The following MIGA1 variants were observed in gnomAD, a reference collection of about 807,000 sequenced individuals.
The protein encoded by MIGA1 is family with sequence similarity 73, member A.
Under a neutral mutation model 82.0 loss-of-function variants are expected in MIGA1, and 58 were observed. That is an observed-to-expected ratio of 0.71 (90% CI 0.57 to 0.88). MIGA1 has a LOEUF of 0.88. MIGA1 is among the 40% of genes least tolerant of loss of function. The pLI, the probability that MIGA1 is intolerant of heterozygous loss-of-function variation, is 0.00. For synonymous variants in MIGA1, 249 were observed against 253.6 expected (o/e 0.98, Z 0.17); for missense variants, 751 against 749.1 (o/e 1.00, Z -0.03).
At chr1:77,840,871 A>G (rs1684604015) in intron 7 of MIGA1, among the ~76,000 whole-genome samples, 3 of 152,218 alleles carry the variant, frequency 2.0e-5, no homozygotes, top group Non-Finnish European at 4.4e-5. Flanking sequence ...GCCATGACAT[A>G]ATGAAAATTG....
chr1:77,848,667 G>A, intron 8 of MIGA1: 1 of 1,575,782 alleles, frequency 6.3e-7, no homozygotes, highest in Admixed American at 1.7e-5. Flanking sequence ...AAGAACAAGA[G>A]AGACCACCTG....
At position 77,875,044 on chromosome 1, in the gene MIGA1, C is replaced by T; in HGVS notation, c.1879C>T (p.Leu627=). The T allele has an allele frequency of 6.2e-7, 1 of 1,613,680 alleles. No homozygotes were observed. The highest frequency in any genetic ancestry group is 8.5e-7 in the Non-Finnish European group (1 of 1,179,670). Residue 627 remains leucine (L), a synonymous_variant, in exon 16 of 16, where the codon CTG becomes TTG. Coordinates refer to ENST00000370791, the MANE Select transcript of MIGA1 (RefSeq NM_198549.4). ...TGGTCATGTTATGTCCACTGGGCTA[C>T]TGGAAGCCAAAGTACAATAAGTACC...
At chr1:77,811,064 A>C (rs1397499088) in intron 5 of MIGA1, 2 of 1,613,474 alleles carry the variant, frequency 1.2e-6, no homozygotes, top group African/African-American at 1.3e-5. Context: ...AATTCAAAGA[A>C]GATAGCTGCA....
In MIGA1 at chr1:77,780,804, T is replaced by TAATGATTAGG. The variant is rs567847090; in HGVS notation, c.81+1069_81+1078dup. 1.4e-3 allele frequency among the ~76,000 whole-genome samples: 211 copies of TAATGATTAGG among 152,134 alleles called. 1 individual carries two copies. Among genetic ancestry groups the TAATGATTAGG allele is most frequent in the African/African-American group, 4.8e-3 (201 of 41,532 alleles). On this transcript the variant is annotated intron_variant, in intron 1 of 15. Coordinates refer to ENST00000370791, the MANE Select transcript of MIGA1 (RefSeq NM_198549.4). ...TTTTTTTCTTTAGTTTTTCAATGAA[T>TAATGATTAGG]AATGATTAGGTTTGGAATCAACTTC...
At chr1:77,859,448 T>C in intron 10 of MIGA1, 62 bp downstream of exon 10, 1 of 1,116,056 alleles carries the variant, frequency 9.0e-7, no homozygotes, top group Non-Finnish European at 1.4e-6. Flanking sequence ...TGCTGTAGAG[T>C]CCAGTGCAAA....
chr1:77,793,790 T>C (rs2101721105), intron 2 of MIGA1, among the ~76,000 whole-genome samples: 1 of 142,606 alleles, frequency 7.0e-6, no homozygotes, highest in African/African-American at 2.6e-5. Context: ...TATCTTTTTT[T>C]TTTTTTTTTT....
rs369758433 is a variant in MIGA1 at position 77,785,856 on chromosome 1, A to G, written c.195+2505A>G. ...TATGGTGCAAGCTGTTGGTGGATCT[A>G]TCATTCTGGGGTCTGGAGGACGGTG... On this transcript the variant is annotated intron_variant, in intron 2 of 15. Transcript: ENST00000370791. Among the ~76,000 whole-genome samples, 8 of 152,082 alleles carry G rather than the reference A, an allele frequency of 5.3e-5. No homozygotes were observed. The South Asian group carries it at 8.3e-4, about 16-fold the overall frequency.
intron 5 of MIGA1, chr1:77,811,135 G>A: frequency 6.4e-7 from 1 of 1,555,894 alleles, no homozygotes; most frequent in East Asian, 2.2e-5. Flanking sequence ...ATGAACATAT[G>A]TATCTTCTTT....
At chr1:77,817,384 G>A (rs1683610302) in intron 7 of MIGA1, among the ~76,000 whole-genome samples, 1 of 152,044 alleles carries the variant, frequency 6.6e-6, no homozygotes, top group African/African-American at 2.4e-5. Flanking sequence ...AAATGGATAG[G>A]GTGGGACCCA....
At chr1:77,785,634 C>G (rs972561484) in intron 2 of MIGA1, among the ~76,000 whole-genome samples, 17 of 152,146 alleles carry the variant, frequency 1.1e-4, no homozygotes, top group African/African-American at 3.9e-4. Context: ...TGAGCCACTG[C>G]ACCCGGCCAG....
rs200085217 is a variant in MIGA1 at position 77,799,855 on chromosome 1, C to CAA, written c.196-1466_196-1465dup. ...CTAGAGGTTTTATTAGTTTTCCTTC[C>CAA]AAAAAAAAAAACCAGCTGTTGGTCT... is the stretch of plus-strand genomic sequence containing the variant. On this transcript the variant is annotated intron_variant, in intron 2 of 15. Transcript: ENST00000370791. Among the ~76,000 whole-genome samples, 56 of 139,362 alleles carry CAA rather than the reference C, an allele frequency of 4.0e-4. 1 individual carries two copies. Among genetic ancestry groups the CAA allele is most frequent in the Admixed American group, 1.0e-3 (14 of 13,930 alleles). The allele number at this position is 139,362 out of a possible 152,430, so 91.4% of individuals were successfully genotyped here.
intron 13 of MIGA1, among the ~76,000 whole-genome samples, chr1:77,865,755 T>C (rs1685639433): frequency 6.6e-6 from 1 of 152,204 alleles, no homozygotes; most frequent in Middle Eastern, 3.4e-3. Context: ...GTCTTTTTCC[T>C]TTAGTGGCTT....
At chr1:77,785,859 A>G (rs573733176) in intron 2 of MIGA1, among the ~76,000 whole-genome samples, 1 of 152,108 alleles carries the variant, frequency 6.6e-6, no homozygotes, top group East Asian at 1.9e-4. Context: ...TGGATCTATC[A>G]TTCTGGGGTC....
In MIGA1 at chr1:77,834,542, G is replaced by A. The variant is rs1053029845; in HGVS notation, c.896-8765G>A. Among the ~76,000 whole-genome samples the A allele has an allele frequency of 2.0e-5, 3 of 152,012 alleles. No homozygotes were observed. In the South Asian group the frequency reaches 6.2e-4, roughly 32 times the overall value. On this transcript the variant is annotated intron_variant, in intron 7 of 15. Transcript: ENST00000370791. ...TCTTTTCAATATTGAGGCACATTGA[G>A]GTTAAAAATCAAGAAAATATTATAA...
chr1:77,847,665 A>C (rs758060413), intron 8 of MIGA1: 9 of 1,570,562 alleles, frequency 5.7e-6, no homozygotes, highest in African/African-American at 1.4e-5. Context: ...AACCAAGCAG[A>C]AAGATCTCAG....
At chr1:77,855,463 T>G (rs1685214051) in intron 8 of MIGA1, among the ~76,000 whole-genome samples, 1 of 152,148 alleles carries the variant, frequency 6.6e-6, no homozygotes, top group African/African-American at 2.4e-5. Flanking sequence ...TTGCATTGAA[T>G]TTGTAGATTG....
chr1:77,859,163 TAAAGAAAAA>T, intron 9 of MIGA1, 107 bp downstream of exon 9: 1 of 1,002,830 alleles, frequency 1.0e-6, no homozygotes, highest in South Asian at 1.4e-5. Flanking sequence ...TAGGTCCAAG[TAAAGAAAAA>T]ATTATTTTTA....
intron 3 of MIGA1, among the ~76,000 whole-genome samples, chr1:77,802,014 T>C (rs1368627416): frequency 6.6e-6 from 1 of 152,200 alleles, no homozygotes; most frequent in African/African-American, 2.4e-5. Context: ...TTTTCTTATT[T>C]TGTGTATCCT....
chr1:77,822,074 A>T (rs1254624165), intron 7 of MIGA1, among the ~76,000 whole-genome samples: 1 of 152,090 alleles, frequency 6.6e-6, no homozygotes, highest in Non-Finnish European at 1.5e-5. Context: ...CACTCTATAG[A>T]GGTGGTAGAT....
Sources: gnomAD v4.1 joint callset for allele counts (sites outside exome capture counted in the v4.1 genomes callset) on GRCh38, gnomAD v4.1.1 for gene constraint, MANE v1.5 for transcripts, NCBI Gene and HGNC (gene_info 2026-07-23, HGNC 2026-07-21) for gene names.